ATXN7: variants seen among roughly 807,000 people sequenced by gnomAD.
ATXN7 encodes the protein ataxin 7, also known as ataxin-7.
ATXN7 carries 12 observed loss-of-function variants against 70.5 expected under a neutral mutation model. The ratio of observed to expected loss-of-function variants is 0.17; its 90% CI spans 0.11 to 0.28. The LOEUF is 0.28. Among genes scored for constraint, ATXN7 ranks in the 10% least tolerant of loss-of-function variants. The pLI is 1.00. For missense variants in ATXN7, 1,256 were observed against 1,131.7 expected (o/e 1.11, Z -1.58); for synonymous variants, 498 against 448.7 (o/e 1.11, Z -1.39).
Position 63,995,787 on chromosome 3 carries a change from G to A in ATXN7, c.1965G>A (p.Thr655=), listed in dbSNP as rs775858705. ...QVSSSSSSPS[T]PSGLSSVPSS... ...CCTCTTCATCCTCATCCCCTTCCAC[G>A]CCCTCTGGCCTTTCCTCGGTTCCTT... Residue 655 remains threonine, a synonymous_variant, in exon 12 of 13, where the codon ACG becomes ACA. Coordinates refer to ENST00000674280, the MANE Select transcript of ATXN7 (RefSeq NM_001377405.1). 1.6e-5 allele frequency: 26 copies of A among 1,614,024 alleles called. No individual in the cohort carries two copies. Among genetic ancestry groups the A allele is most frequent in the African/African-American group, 2.7e-5 (2 of 74,920 alleles).
intron 10 of ATXN7, 148 bp from the exon 11 acceptor site, chr3:63,990,590 G>A: frequency 7.5e-7 from 1 of 1,324,794 alleles, no homozygotes; most frequent in Non-Finnish European, 1.1e-6. Flanking sequence ...CTCAGGGCTA[G>A]GCATTGTCAC....
chr3:63,926,151 C>T (rs1704706401), intron 4 of ATXN7, among the ~76,000 whole-genome samples: 1 of 152,284 alleles, frequency 6.6e-6, no homozygotes, highest in Middle Eastern at 3.4e-3. Flanking sequence ...TATTTGCTTG[C>T]CTTTGTTCGT....
intron 11 of ATXN7, among the ~76,000 whole-genome samples, chr3:63,993,275 ATTTTTTTTT>A (rs556994956): frequency 1.9e-4 from 22 of 116,014 alleles, no homozygotes; most frequent in Non-Finnish European, 3.8e-4. Flanking sequence ...TTGTTGGTGT[ATTTTTTTTT>A]TTTTTTTTTT....
At chr3:63,897,697 T>C (rs1244404525) in intron 1 of ATXN7, among the ~76,000 whole-genome samples, 1 of 152,214 alleles carries the variant, frequency 6.6e-6, no homozygotes, top group Non-Finnish European at 1.5e-5. Context: ...GCCCGATAGC[T>C]GTGTCATTGC....
chr3:63,993,932 G>A (rs1367324848), intron 11 of ATXN7, among the ~76,000 whole-genome samples: 1 of 152,082 alleles, frequency 6.6e-6, no homozygotes, highest in Non-Finnish European at 1.5e-5. Context: ...TCTAGGGTGG[G>A]GCCCAGGAAC....
In ATXN7 at chr3:63,968,230, G is replaced by C. The variant is rs2075258392; in HGVS notation, c.500-11685G>C. ...CAGCGTGGGTAATCGCAGCCACAGG[G>C]ATTAGCTGCTGCAAGCTGTCCACAG... On this transcript the variant is annotated intron_variant, in intron 5 of 12. Coordinates refer to ENST00000674280, the MANE Select transcript of ATXN7 (RefSeq NM_001377405.1). The C allele has an allele frequency of 9.4e-6, 4 of 427,130 alleles. 1 individual carries two copies. In the South Asian group the frequency reaches 1.6e-4, roughly 17 times the overall value. 26.5% of individuals were successfully genotyped at this position (427,130 alleles called of 1,614,324 possible).
chr3:63,996,557 GTGTT>G lies in ATXN7; in HGVS notation c.2661+77_2661+80del, dbSNP rs563523957. ...TAAGATCTTTTGTCAGCTCAGAAAT[GTGTT>G]TGGTTGGGTTGGTTGGTTGGTTTGT... On this transcript the variant is annotated intron_variant, in intron 12 of 12. Transcript: ENST00000674280. The G allele has an allele frequency of 3.2e-4, 434 of 1,345,678 alleles. 2 individuals are homozygous for G. In the African/African-American group the frequency reaches 4.4e-3, roughly 14 times the overall value. The allele number at this position is 1,345,678 out of a possible 1,614,324, so 83.4% of individuals were successfully genotyped here.
intron 1 of ATXN7, among the ~76,000 whole-genome samples, chr3:63,881,446 G>A (rs1011785821): frequency 6.6e-6 from 1 of 151,320 alleles, no homozygotes; most frequent in Non-Finnish European, 1.5e-5. Context: ...GAACTTTTCA[G>A]TGTGCTGGAA....
chr3:63,970,806 G>A (rs1204554554), intron 5 of ATXN7, among the ~76,000 whole-genome samples: 1 of 152,088 alleles, frequency 6.6e-6, no homozygotes, highest in East Asian at 1.9e-4. Context: ...TCTCTTTCAT[G>A]CAGCCAGTGT....
intron 1 of ATXN7, among the ~76,000 whole-genome samples, chr3:63,883,317 G>T (rs571038980): frequency 1.3e-5 from 2 of 152,284 alleles, no homozygotes; most frequent in African/African-American, 4.8e-5. Context: ...AAAGTCTGAG[G>T]TCACCAGAGA....
At chr3:63,864,565 G>C (rs954352472) in intron 1 of ATXN7, 1 of 152,214 alleles carries the variant, frequency 6.6e-6, no homozygotes, top group African/African-American at 2.4e-5. Flanking sequence ...GGGAAAAAGG[G>C]TGAAAGAGAA....
chr3:63,919,047 C>A (rs1361461934), intron 4 of ATXN7, among the ~76,000 whole-genome samples: 5 of 152,042 alleles, frequency 3.3e-5, no homozygotes, highest in Admixed American at 6.6e-5. Context: ...GAAAGACCCT[C>A]CTGTAGCAGG....
In ATXN7 at chr3:63,980,099, A is replaced by G. The variant is rs2075460235; in HGVS notation, c.684A>G (p.Lys228=). 1 of 1,614,176 alleles carries G rather than the reference A, an allele frequency of 6.2e-7. No individual in the cohort carries two copies. Among genetic ancestry groups the G allele is most frequent in the Non-Finnish European group, 8.5e-7 (1 of 1,180,036 alleles). The change falls in exon 6 of 13, where the codon AAA becomes AAG. Residue 228 remains lysine, a synonymous_variant. Coordinates refer to ENST00000674280, the MANE Select transcript of ATXN7 (RefSeq NM_001377405.1). ...AGTTGTTGAAATCACCCAAAGAGAA[A>G]CTGCAGCTCAGGGGGAACACCAGGC... ...SSKLLKSPKE[K]LQLRGNTRPM... is the part of the protein sequence containing the mutation.
upstream of ATXN7, chr3:63,863,762 G>C (rs922614928): frequency 1.5e-4 from 187 of 1,250,556 alleles, no homozygotes; most frequent in Non-Finnish European, 1.8e-4. Flanking sequence ...GGCGGCGAGC[G>C]GGGCCTCACC....
intron 1 of ATXN7, among the ~76,000 whole-genome samples, chr3:63,881,329 C>T (rs971787565): frequency 4.6e-5 from 7 of 152,020 alleles, no homozygotes; most frequent in Admixed American, 1.3e-4. Context: ...TTTAGGGAAT[C>T]GGTATGGGAT....
intron 5 of ATXN7, among the ~76,000 whole-genome samples, chr3:63,969,358 G>C (rs2075275893): frequency 6.6e-6 from 1 of 152,148 alleles, no homozygotes; most frequent in South Asian, 2.1e-4. Context: ...GCTCAGTGTA[G>C]CACTTTTCAG....
chr3:63,909,177 CAG>C (rs149858496), intron 2 of ATXN7, among the ~76,000 whole-genome samples: 4,497 of 152,278 alleles, frequency 0.03, 218 homozygotes, highest in African/African-American at 0.1. Flanking sequence ...TGAAGTTCCT[CAG>C]AGTTACAAGG....
In ATXN7 at chr3:63,886,722, A is replaced by G. The variant is rs533633147; in HGVS notation, c.-110-11677A>G. On this transcript the variant is annotated intron_variant, in intron 1 of 12. Coordinates refer to ENST00000674280, the MANE Select transcript of ATXN7 (RefSeq NM_001377405.1). ...TTTAAAAAAGACTATGGCAAGGACA[A>G]TAGTCTATAGTTCAAGTTTAATTTT... 7.9e-5 allele frequency among the ~76,000 whole-genome samples: 12 copies of G among 152,362 alleles called. No individual in the cohort carries two copies. In the East Asian group the frequency reaches 1.7e-3, roughly 22 times the overall value.
chr3:63,951,918 A>G (rs1367901173), intron 4 of ATXN7, among the ~76,000 whole-genome samples: 2 of 152,212 alleles, frequency 1.3e-5, no homozygotes, highest in African/African-American at 2.4e-5. Context: ...TTTATATGAC[A>G]TGCTGGCAAA....
Sources: allele counts gnomAD v4.1 joint callset (sites outside exome capture counted in the v4.1 genomes callset), GRCh38; gene constraint gnomAD v4.1.1; transcripts MANE v1.5; gene names NCBI Gene and HGNC (gene_info 2026-07-23, HGNC 2026-07-21).